IQCJ: variants seen among roughly 807,000 people sequenced by gnomAD.
The protein encoded by IQCJ is IQ domain-containing protein J.
A neutral mutation model predicts 11.0 loss-of-function variants in IQCJ; 9 were observed. That is an observed-to-expected ratio of 0.82 (90% CI 0.49 to 1.43). The LOEUF (loss-of-function observed/expected upper bound fraction) is 1.43. Ranked by LOEUF, IQCJ falls within the 40% of genes most tolerant of loss-of-function variation. The pLI, the probability that IQCJ is intolerant of heterozygous loss-of-function variation, is 0.00. For synonymous variants in IQCJ, 55 were observed against 51.3 expected (o/e 1.07, Z -0.31); for missense variants, 146 against 133.2 (o/e 1.10, Z -0.47).
intron 1 of IQCJ, among the ~76,000 whole-genome samples, chr3:159,073,454 A>G (rs1393593128): frequency 6.6e-6 from 1 of 152,066 alleles, no homozygotes; most frequent in Admixed American, 6.5e-5. Context: ...TGGGTCATTC[A>G]AGTGCTGAGT....
At chr3:159,163,374 C>T (rs1374462465) in intron 1 of IQCJ, among the ~76,000 whole-genome samples, 16 of 152,020 alleles carry the variant, frequency 1.1e-4, no homozygotes, top group Admixed American at 9.8e-4. Context: ...AATTCAACAA[C>T]CCTTCATGCT....
chr3:159,101,775 T>G (rs1257892828), intron 1 of IQCJ, among the ~76,000 whole-genome samples: 2 of 152,206 alleles, frequency 1.3e-5, no homozygotes, highest in Non-Finnish European at 2.9e-5. Flanking sequence ...TTTCTTAATG[T>G]CAAGACCCCA....
intron 1 of IQCJ, among the ~76,000 whole-genome samples, chr3:159,216,199 A>C (rs1037103774): frequency 6.6e-6 from 1 of 151,988 alleles, no homozygotes; most frequent in Non-Finnish European, 1.5e-5. Flanking sequence ...CCGATTGTCT[A>C]GTGTCAACAT....
chr3:159,139,105 T>G (rs979323973), intron 1 of IQCJ, among the ~76,000 whole-genome samples: 7 of 152,168 alleles, frequency 4.6e-5, no homozygotes, highest in Non-Finnish European at 1.0e-4. Flanking sequence ...CTTTATAAAA[T>G]GGATTTACCT....
At chr3:159,199,161 G>C (rs1448760192) in intron 1 of IQCJ, among the ~76,000 whole-genome samples, 4 of 152,170 alleles carry the variant, frequency 2.6e-5, no homozygotes, top group Non-Finnish European at 1.5e-5. Context: ...AAGTGAATAT[G>C]TTATATGACC....
At chr3:159,205,529 C>T (rs192662474) in intron 1 of IQCJ, among the ~76,000 whole-genome samples, 15 of 152,296 alleles carry the variant, frequency 9.8e-5, no homozygotes, top group African/African-American at 3.6e-4. Context: ...TGACCCAGAG[C>T]CCCAACCTAA....
intron 1 of IQCJ, among the ~76,000 whole-genome samples, chr3:159,207,898 C>T (rs1261939746): frequency 6.6e-6 from 1 of 152,168 alleles, no homozygotes; most frequent in Non-Finnish European, 1.5e-5. Flanking sequence ...AAAACAAATG[C>T]AGGCAGATCT....
intron 1 of IQCJ, among the ~76,000 whole-genome samples, chr3:159,193,191 G>T (rs1309846875): frequency 1.3e-5 from 2 of 152,142 alleles, no homozygotes; most frequent in African/African-American, 4.8e-5. Context: ...ATCTCTCTCT[G>T]CAAACCAAGA....
intron 1 of IQCJ, among the ~76,000 whole-genome samples, chr3:159,196,654 G>T (rs139213950): frequency 2.1e-4 from 32 of 152,254 alleles, no homozygotes; most frequent in African/African-American, 7.2e-4. Context: ...CACATTCATT[G>T]TCTACAACTG....
At chr3:159,260,830 G>T (rs920753912) in intron 3 of IQCJ, among the ~76,000 whole-genome samples, 2 of 151,956 alleles carry the variant, frequency 1.3e-5, no homozygotes, top group Admixed American at 6.6e-5. Flanking sequence ...AACTCTAAAA[G>T]TATCTTATTT....
At chr3:159,105,402 T>C (rs1718192729) in intron 1 of IQCJ, among the ~76,000 whole-genome samples, 1 of 152,168 alleles carries the variant, frequency 6.6e-6, no homozygotes, top group African/African-American at 2.4e-5. Flanking sequence ...AACAGACTAA[T>C]TCATTAAGAC....
chr3:159,083,192 C>A (rs533070857), intron 1 of IQCJ, among the ~76,000 whole-genome samples: 111 of 152,080 alleles, frequency 7.3e-4, no homozygotes, highest in African/African-American at 2.6e-3. Flanking sequence ...GCCTGGGGGA[C>A]AATATTTGCA....
rs756029889 is a variant in IQCJ, at chr3:159,069,415, T to C, written c.-18T>C. 19 of 1,609,030 alleles carry C rather than the reference T, an allele frequency of 1.2e-5. No individual in the cohort carries two copies. In the South Asian group the frequency reaches 2.1e-4, roughly 18 times the overall value. On this transcript the variant is annotated 5_prime_UTR_variant, in exon 1 of 4. Coordinates refer to ENST00000397832, the MANE Select transcript of IQCJ (RefSeq NM_001042706.3). The stretch of plus-strand genomic sequence containing the variant: ...GATCCAGTCTCCTTTCACCTGCAGG[T>C]GTTCCAGAAACTTCAAAATGCGTCT...
chr3:159,161,958 G>A (rs942138665), intron 1 of IQCJ, among the ~76,000 whole-genome samples: 3 of 152,184 alleles, frequency 2.0e-5, no homozygotes, highest in African/African-American at 7.2e-5. Flanking sequence ...TCGAAGTCAG[G>A]TAGCGTGATG....
At chr3:159,188,051 G>A (rs535530764) in intron 1 of IQCJ, among the ~76,000 whole-genome samples, 2 of 152,300 alleles carry the variant, frequency 1.3e-5, no homozygotes, top group African/African-American at 4.8e-5. Context: ...TATTTGAACA[G>A]GAATAGTTAT....
intron 1 of IQCJ, among the ~76,000 whole-genome samples, chr3:159,194,766 G>C (rs996880289): frequency 3.3e-5 from 5 of 152,148 alleles, no homozygotes; most frequent in Admixed American, 2.6e-4. Flanking sequence ...GCTTCCTAGA[G>C]TCATCCTACA....
chr3:159,164,107 A>T (rs1398508247), intron 1 of IQCJ, among the ~76,000 whole-genome samples: 1 of 152,256 alleles, frequency 6.6e-6, no homozygotes, highest in African/African-American at 2.4e-5. Flanking sequence ...GGCAAGTTAA[A>T]TTCACCCAAG....
chr3:159,241,980 A>G (rs1014553777), intron 1 of IQCJ, among the ~76,000 whole-genome samples: 1 of 152,220 alleles, frequency 6.6e-6, no homozygotes, highest in Non-Finnish European at 1.5e-5. Context: ...GCAGTATTTG[A>G]GCAAATATCT....
intron 1 of IQCJ, among the ~76,000 whole-genome samples, chr3:159,161,600 T>G (rs1301630314): frequency 4.6e-5 from 7 of 152,254 alleles, no homozygotes; most frequent in Non-Finnish European, 8.8e-5. Context: ...CATGAAGTCC[T>G]TGCCCATGCC....
Sources: gnomAD v4.1 joint callset for allele counts (sites outside exome capture counted in the v4.1 genomes callset) on GRCh38, gnomAD v4.1.1 for gene constraint, MANE v1.5 for transcripts, NCBI Gene and HGNC (gene_info 2026-07-23, HGNC 2026-07-21) for gene names.